Variants in PRDM1 observed in about 807,000 individuals in gnomAD.
PRDM1 encodes the protein PR domain zinc finger protein 1.
Under a neutral mutation model 62.8 loss-of-function variants are expected in PRDM1, and 13 were observed. That is an observed-to-expected ratio of 0.21 (90% CI 0.13 to 0.33). The LOEUF (loss-of-function observed/expected upper bound fraction) is 0.33. Among genes scored for constraint, PRDM1 ranks in the 10% least tolerant of loss-of-function variants. PRDM1 has a pLI of 1.00. For missense variants in PRDM1, 895 were observed against 1,058.8 expected (o/e 0.85, Z 2.15); for synonymous variants, 396 against 417.6 (o/e 0.95, Z 0.63).
chr6:106,098,795 T>C (rs1262116468), intron 3 of PRDM1: 4 of 1,502,468 alleles, frequency 2.7e-6, no homozygotes, highest in Non-Finnish European at 3.6e-6. Context: ...GATGTTTGCA[T>C]AGTTGAAGCC....
intron 2 of PRDM1, among the ~76,000 whole-genome samples, chr6:106,091,852 TA>T (rs1334106903): frequency 6.6e-6 from 1 of 151,984 alleles, no homozygotes; most frequent in East Asian, 1.9e-4. Context: ...ATAAATAAAA[TA>T]AAATAAAAAT....
intron 1 of PRDM1, among the ~76,000 whole-genome samples, chr6:105,996,029 A>G (rs545304840): frequency 8.5e-5 from 13 of 152,254 alleles, no homozygotes; most frequent in African/African-American, 3.1e-4. Flanking sequence ...TTCAAACTTG[A>G]TTTCTTTCTG....
At chr6:106,031,118 C>T (rs1342061190) in intron 1 of PRDM1, among the ~76,000 whole-genome samples, 3 of 151,672 alleles carry the variant, frequency 2.0e-5, no homozygotes, top group African/African-American at 7.3e-5. Context: ...AAGAGTTTGG[C>T]ATTCTGGTAA....
At chr6:106,036,109 T>G (rs1207053965) in intron 1 of PRDM1, among the ~76,000 whole-genome samples, 1 of 152,086 alleles carries the variant, frequency 6.6e-6, no homozygotes, top group Non-Finnish European at 1.5e-5. Flanking sequence ...AGCAATTTTT[T>G]GACCCTCATT....
chr6:106,012,118 C>G (rs571984579), intron 1 of PRDM1, among the ~76,000 whole-genome samples: 14 of 135,864 alleles, frequency 1.0e-4, no homozygotes, highest in South Asian at 2.5e-4. Context: ...CACATTCATA[C>G]ACACACACAC....
At chr6:106,097,100 A>G (rs928258315) in intron 3 of PRDM1, among the ~76,000 whole-genome samples, 3 of 152,240 alleles carry the variant, frequency 2.0e-5, no homozygotes, top group Admixed American at 1.3e-4. Flanking sequence ...ACTAAGAATC[A>G]TGTGCTCACA....
chr6:106,027,861 A>G (rs1474843740), intron 1 of PRDM1, among the ~76,000 whole-genome samples: 1 of 152,136 alleles, frequency 6.6e-6, no homozygotes, highest in African/African-American at 2.4e-5. Context: ...ACCAGCTCCT[A>G]ATGCTGGGTC....
At chr6:106,054,672 G>A (rs1323455199) in intron 1 of PRDM1, among the ~76,000 whole-genome samples, 3 of 152,110 alleles carry the variant, frequency 2.0e-5, no homozygotes, top group Non-Finnish European at 4.4e-5. Flanking sequence ...AGGACCATGT[G>A]CATTTTACTT....
intron 1 of PRDM1, among the ~76,000 whole-genome samples, chr6:106,055,811 C>G (rs974960604): frequency 1.3e-5 from 2 of 152,170 alleles, no homozygotes; most frequent in Non-Finnish European, 2.9e-5. Context: ...GTCCCCGACT[C>G]TAGATTTTTA....
Position 106,098,658 on chromosome 6 carries a change from G to T in PRDM1, c.412-642G>T, listed in dbSNP as rs771759072. 5 of 1,344,730 alleles carry T rather than the reference G, an allele frequency of 3.7e-6. No homozygotes were observed. The African/African-American group carries it at 4.4e-5, about 12-fold the overall frequency. 83.3% of individuals were successfully genotyped at this position (1,344,730 alleles called of 1,614,324 possible). ...GACTGTCAAATTCGGGCTGCTGCCC[G>T]AGTGTTCGCTTTGTTATGGCAGGTG... On this transcript the variant is annotated intron_variant, in intron 3 of 6. Coordinates refer to ENST00000369096, the MANE Select transcript of PRDM1 (RefSeq NM_001198.4).
At chr6:106,036,036 G>T (rs983384460) in intron 1 of PRDM1, among the ~76,000 whole-genome samples, 5 of 152,094 alleles carry the variant, frequency 3.3e-5, no homozygotes, top group African/African-American at 4.8e-5. Context: ...CCAAAGTGCT[G>T]TGATTACAGG....
intron 1 of PRDM1, among the ~76,000 whole-genome samples, chr6:106,015,634 G>T (rs1474200693): frequency 6.6e-6 from 1 of 151,652 alleles, no homozygotes; most frequent in Non-Finnish European, 1.5e-5. Flanking sequence ...AGGACCGAGG[G>T]TGGGACTTCT....
chr6:106,045,474 A>G (rs1406167382), upstream of PRDM1: 3 of 152,250 alleles, frequency 2.0e-5, no homozygotes, highest in South Asian at 2.1e-4. Flanking sequence ...TCAAAACAGC[A>G]TATTTTAAAG....
At chr6:106,015,448 AT>A (rs1772606928) in intron 1 of PRDM1, among the ~76,000 whole-genome samples, 1 of 152,238 alleles carries the variant, frequency 6.6e-6, no homozygotes, top group Admixed American at 6.5e-5. Flanking sequence ...CAAGACTTAA[AT>A]GAAAGGCAAG....
intron 1 of PRDM1, among the ~76,000 whole-genome samples, chr6:106,087,238 A>G (rs937753049): frequency 6.6e-6 from 1 of 152,154 alleles, no homozygotes; most frequent in African/African-American, 2.4e-5. Context: ...TATCCTCATC[A>G]ATGTACAAGT....
At chr6:106,039,630 C>A (rs1772965718) in intron 1 of PRDM1, among the ~76,000 whole-genome samples, 1 of 152,094 alleles carries the variant, frequency 6.6e-6, no homozygotes, top group African/African-American at 2.4e-5. Context: ...ATATAGGCCA[C>A]CTGGAATTAG....
chr6:106,086,293 GT>G, upstream of PRDM1: 1 of 421,928 alleles, frequency 2.4e-6, no homozygotes, highest in Non-Finnish European at 4.2e-6. Flanking sequence ...GCGCAGCCGA[GT>G]GGCTAAGGAA....
At chr6:106,086,985 C>CTT (rs879331584) in intron 1 of PRDM1, among the ~76,000 whole-genome samples, 1 of 146,024 alleles carries the variant, frequency 6.8e-6, no homozygotes, top group African/African-American at 2.5e-5. Context: ...TTGCATCCAA[C>CTT]TTTTTTTTTT....
intron 1 of PRDM1, among the ~76,000 whole-genome samples, chr6:106,066,287 C>T (rs1773432451): frequency 6.6e-6 from 1 of 152,170 alleles, no homozygotes; most frequent in African/African-American, 2.4e-5. Flanking sequence ...ACATTTAATT[C>T]ATCATGCTGG....
Sources: allele counts gnomAD v4.1 joint callset (sites outside exome capture counted in the v4.1 genomes callset), GRCh38; gene constraint gnomAD v4.1.1; transcripts MANE v1.5; gene names NCBI Gene and HGNC (gene_info 2026-07-23, HGNC 2026-07-21).